MYH3: variants seen among roughly 807,000 people sequenced by gnomAD.
The protein encoded by MYH3 is myosin-3.
Under a neutral mutation model 238.0 loss-of-function variants are expected in MYH3, and 130 were observed. The observed-to-expected ratio is 0.55, with a 90% CI of 0.47 to 0.63. The LOEUF (loss-of-function observed/expected upper bound fraction) is 0.63, where lower values mean the gene tolerates loss of function less well. Among genes scored for constraint, MYH3 ranks in the 30% least tolerant of loss-of-function variants. MYH3 has a pLI of 0.00. For missense variants in MYH3, 1,853 were observed against 2,374.9 expected, an observed-to-expected ratio of 0.78 and a Z score of 4.57; for synonymous variants, 880 against 924.1, an observed-to-expected ratio of 0.95 and a Z score of 0.86.
rs150199167 is a variant in MYH3 at position 10,644,433 on chromosome 17, C to T, written c.1328G>A (p.Arg443His). ...YEKLFLWMVT[R>H]INQQLDTKLP... Reference sequence around the variant, plus strand: ...CTTCGTATCCAGTTGCTGGTTAATGCGAGTGACCATCCACAAGAACAACTT... The same window carrying T: ...CTTCGTATCCAGTTGCTGGTTAATGTGAGTGACCATCCACAAGAACAACTT... Residue 443 changes from arginine to histidine, a missense_variant, in exon 14 of 41, where the codon CGC (arginine) becomes CAC (histidine). Physicochemically the swap from Arg to His is conservative, Grantham distance 29. Transcript: ENST00000583535. 5.0e-6 allele frequency: 8 copies of T among 1,613,786 alleles called. No homozygotes were observed. The highest frequency in any genetic ancestry group is 2.2e-5 in the East Asian group (1 of 44,894).
rs975481037 is a variant in MYH3, at chr17:10,647,670, G to A, written c.736-244C>T. ...AGTGATTCTCCTGCCTCAGCCTCCT[G>A]AGTAGCTGGGACTACAATCACGTGC... On this transcript the variant is annotated intron_variant, in intron 8 of 40. Coordinates refer to ENST00000583535, the MANE Select transcript of MYH3 (RefSeq NM_002470.4). Among the ~76,000 whole-genome samples the A allele has an allele frequency of 5.9e-5, 9 of 152,094 alleles. No homozygotes were observed. In the South Asian group the frequency reaches 1.9e-3, roughly 32 times the overall value.
At chr17:10,639,256 A>G in intron 24 of MYH3, 42 bp downstream of exon 24, 1 of 1,613,948 alleles carries the variant, frequency 6.2e-7, no homozygotes, top group Non-Finnish European at 8.5e-7. Flanking sequence ...GGCTCTTCCA[A>G]CCCTGGAGTT....
At position 10,654,932 on chromosome 17, in the gene MYH3, CCTTT is replaced by C. The variant is rs1377703440; in HGVS notation, c.129_132del (p.Glu45AsnfsTer35). 5.0e-6 allele frequency: 8 copies of C among 1,614,206 alleles called. No individual in the cohort carries two copies. Among genetic ancestry groups the C allele is most frequent in the South Asian group, 2.2e-5 (2 of 91,080 alleles). On this transcript the variant is annotated frameshift_variant, in exon 3 of 41. Coordinates refer to ENST00000583535, the MANE Select transcript of MYH3 (RefSeq NM_002470.4). LOFTEE classifies it high-confidence loss of function. The surrounding 1 kb of genome is among the most constrained non-coding windows in gnomAD (Gnocchi z 4.5). ...TTGATTTTCCCCTTGGCATATTCTT[CCTTT>C]GAGTCCACCACGAAGCAATACGTCT...
At chr17:10,665,389 C>T in the MYH3 span, among the ~76,000 whole-genome samples, 6 of 152,096 alleles carry the variant, frequency 3.9e-5, no homozygotes, top group African/African-American at 1.4e-4. Context: ...GTAGTCCGCC[C>T]GCCTTGGCCT....
At chr17:10,668,342 C>T in the MYH3 span, among the ~76,000 whole-genome samples, 1 of 152,166 alleles carries the variant, frequency 6.6e-6, no homozygotes, top group Non-Finnish European at 1.5e-5. Flanking sequence ...TTGTAGTGGG[C>T]CGAGATCACA....
chr17:10,642,746 T>G lies in MYH3; in HGVS notation c.1582-23A>C. ...AGGCTGGATTGAAGGCAAGGCAAAG[T>G]GCAGAGAGGTAAATATGAGCTGCAG... On this transcript the variant is annotated intron_variant, in intron 15 of 40. Transcript: ENST00000583535. The surrounding 1 kb of genome is among the most constrained non-coding windows in gnomAD (Gnocchi z 5.4). The G allele has an allele frequency of 6.2e-7, 1 of 1,614,142 alleles. No homozygotes were observed. The highest frequency in any genetic ancestry group is 8.5e-7 in the Non-Finnish European group (1 of 1,180,036).
In MYH3 at chr17:10,638,168, C is replaced by A. The variant is rs1456368635; in HGVS notation, c.3604G>T (p.Ala1202Ser). 5 of 1,613,926 alleles carry A rather than the reference C, an allele frequency of 3.1e-6. No homozygotes were observed. The highest frequency in any genetic ancestry group is 3.3e-5 in the Admixed American group (2 of 59,986). Residue 1202 changes from alanine to serine, a missense_variant, in exon 27 of 41, where the codon GCC becomes TCC. Transcript: ENST00000583535. ...ALRKKHADSV[A>S]ELGEQIDNLQ... ...TTGTCAATCTGCTCCCCAAGCTCGG[C>A]CACACTATCCGCATGCTTCTTCCTC... is the stretch of plus-strand genomic sequence containing the variant.
At chr17:10,676,028 C>T in the MYH3 span, 50 of 152,264 alleles carry the variant, frequency 3.3e-4, no homozygotes, top group African/African-American at 9.9e-4. Context: ...AAAAACCAAA[C>T]GACAAAATCC....
Position 10,630,426 on chromosome 17 carries a change from C to T in MYH3, c.5319G>A (p.Glu1773=), listed in dbSNP as rs778670316. Residue 1773 remains glutamate (E), a synonymous_variant, in exon 37 of 41, where the codon GAG becomes GAA. Coordinates refer to ENST00000583535, the MANE Select transcript of MYH3 (RefSeq NM_002470.4). The part of the protein sequence containing the change: ...AAMMAEELKK[E]QDTSAHLERM... ...GCTCAAGGTGGGCGCTGGTGTCCTG[C>T]TCCTTCTTCAGCTCCTCCGCCATCA... 27 of 1,614,094 alleles carry T rather than the reference C, an allele frequency of 1.7e-5. No individual in the cohort carries two copies. The highest frequency in any genetic ancestry group is 5.5e-5 in the South Asian group (5 of 91,080).
chr17:10,652,230 A>T (rs1427841423), intron 4 of MYH3, 190 bp downstream of exon 4: 4 of 737,626 alleles, frequency 5.4e-6, no homozygotes, highest in Non-Finnish European at 9.1e-6. Flanking sequence ...CCTCCTTCCC[A>T]CCTTCCTTCT....
chr17:10,650,931 GTAA>G (rs1263882898), intron 5 of MYH3, among the ~76,000 whole-genome samples: 1 of 152,156 alleles, frequency 6.6e-6, no homozygotes, highest in Non-Finnish European at 1.5e-5. Context: ...GCTCATGCCT[GTAA>G]TCCCAGCACT....
chr17:10,633,612 C>T lies in MYH3; in HGVS notation c.4626G>A (p.Gln1542=). ...TCACCTCTGCTTCCTCGAGAGCCAG[C>T]TGGATATCAGCCTTTTCCAGCTCAA... ...KQIELEKADI[Q]LALEEAEAAL... The change falls in exon 33 of 41, where the codon CAG becomes CAA. Residue 1542 remains glutamine (Q), a synonymous_variant. Transcript: ENST00000583535. 1 of 1,613,670 alleles carries T rather than the reference C, an allele frequency of 6.2e-7. No homozygotes were observed.
In MYH3 at chr17:10,631,916, A is replaced by G. The variant is rs2074163769; in HGVS notation, c.5057T>C (p.Val1686Ala). ...ERRANLLQAE[V>A]EELRATLEQT... is the part of the protein sequence containing the mutation. ...CTCCAGAGTAGCCCGCAGCTCCTCC[A>G]CCTCGGCCTGCAGCAGGTTGGCTCT... The change falls in exon 35 of 41, where the codon GTG (valine) becomes GCG (alanine). Residue 1686 changes from valine (V) to alanine (A), a missense_variant. Transcript: ENST00000583535. 4 of 1,613,944 alleles carry G rather than the reference A, an allele frequency of 2.5e-6. No homozygotes were observed. Among genetic ancestry groups the G allele is most frequent in the Non-Finnish European group, 3.4e-6 (4 of 1,180,008 alleles).
chr17:10,660,677 G>A (rs573038797), upstream of MYH3, among the ~76,000 whole-genome samples: 11 of 88,746 alleles, frequency 1.2e-4, no homozygotes, highest in Non-Finnish European at 2.0e-4. Flanking sequence ...ACTCTGACTC[G>A]GAAAAAAAAA....
the MYH3 span, among the ~76,000 whole-genome samples, chr17:10,665,244 G>C: frequency 6.6e-6 from 1 of 152,132 alleles, no homozygotes; most frequent in Non-Finnish European, 1.5e-5. Flanking sequence ...CTGGGTTCAA[G>C]CGATTCTCCT....
rs529518614 is a variant in MYH3, at chr17:10,628,695, G to A, written c.5797-16C>T. The A allele has an allele frequency of 8.7e-6, 14 of 1,614,046 alleles. No individual in the cohort carries two copies. In the South Asian group the frequency reaches 1.1e-4, roughly 13 times the overall value. On this transcript the variant is annotated splice_polypyrimidine_tract_variant and intron_variant, in intron 40 of 40. Coordinates refer to ENST00000583535, the MANE Select transcript of MYH3 (RefSeq NM_002470.4). ...GGACCACCATCTAGGAAGAAAGTAG[G>A]CACCTGGAGTCAAGTCGGGTGGCAG...
chr17:10,641,010 C>A (rs762136482), intron 19 of MYH3, 75 bp downstream of exon 19: 465 of 1,208,274 alleles, frequency 3.8e-4, no homozygotes, highest in Non-Finnish European at 5.5e-4. Flanking sequence ...TCTTTTCATA[C>A]GAATCTTTCT....
intron 19 of MYH3, 110 bp from the exon 20 acceptor site, chr17:10,640,796 G>T: frequency 7.2e-7 from 1 of 1,381,410 alleles, no homozygotes; most frequent in Non-Finnish European, 1.0e-6. Flanking sequence ...GGTCCCAGGA[G>T]ATGAGGGAAC....
chr17:10,677,320 C>CA, the MYH3 span: 1 of 151,792 alleles, frequency 6.6e-6, no homozygotes, highest in Non-Finnish European at 1.5e-5. Context: ...CAAAAAGAAA[C>CA]AAATAACAAC....
Sources: gnomAD v4.1 joint callset for allele counts (sites outside exome capture counted in the v4.1 genomes callset) on GRCh38, gnomAD v4.1.1 for gene constraint, Gnocchi (gnomAD v3.1) non-coding constraint, MANE v1.5 for transcripts, NCBI Gene and HGNC (gene_info 2026-07-23, HGNC 2026-07-21) for gene names.